Variants in ASTN2 observed in about 807,000 individuals in gnomAD.
ASTN2 encodes astrotactin-2.
ASTN2 carries 54 observed loss-of-function variants against 139.8 expected under a neutral mutation model. The ratio of observed to expected loss-of-function variants is 0.39; its 90% CI spans 0.31 to 0.48. The LOEUF is 0.48. ASTN2 is among the 20% of genes least tolerant of loss of function. ASTN2 has a pLI of 0.95. For missense variants in ASTN2, 1,565 were observed against 1,725.1 expected (o/e 0.91, Z 1.64); for synonymous variants, 756 against 719.5 (o/e 1.05, Z -0.81).
chr9:116,656,974 T>A (rs1858256028), intron 16 of ASTN2, among the ~76,000 whole-genome samples: 1 of 152,012 alleles, frequency 6.6e-6, no homozygotes, highest in South Asian at 2.1e-4. Flanking sequence ...TTAGAAACAT[T>A]AAGGGAGAGG....
At chr9:117,228,959 G>A (rs928269850) in intron 2 of ASTN2, among the ~76,000 whole-genome samples, 1 of 151,948 alleles carries the variant, frequency 6.6e-6, no homozygotes, top group African/African-American at 2.4e-5. Context: ...AGCTGAGATG[G>A]TGCCACTGCA....
intron 1 of ASTN2, among the ~76,000 whole-genome samples, chr9:117,349,807 T>C (rs766449432): frequency 6.6e-6 from 1 of 152,182 alleles, no homozygotes. Flanking sequence ...TGATATGATA[T>C]GATACAATAT....
chr9:117,378,984 C>T (rs1830196427), intron 1 of ASTN2, among the ~76,000 whole-genome samples: 3 of 152,160 alleles, frequency 2.0e-5, no homozygotes, highest in Admixed American at 2.0e-4. Flanking sequence ...CCTTTGCTCT[C>T]TCTTGCTCCT....
intron 7 of ASTN2, among the ~76,000 whole-genome samples, chr9:117,007,876 C>T (rs965514844): frequency 6.6e-6 from 1 of 152,022 alleles, no homozygotes; most frequent in African/African-American, 2.4e-5. Context: ...TCTCTGTGGT[C>T]CTTTCTTACT....
At chr9:117,005,239 C>G (rs1184299579) in intron 7 of ASTN2, among the ~76,000 whole-genome samples, 1 of 129,742 alleles carries the variant, frequency 7.7e-6, no homozygotes, top group African/African-American at 2.7e-5. Context: ...CATGTGCCAC[C>G]AAGCCCAGCT....
chr9:117,105,271 C>G (rs1829075411), intron 4 of ASTN2, among the ~76,000 whole-genome samples: 1 of 152,082 alleles, frequency 6.6e-6, no homozygotes, highest in African/African-American at 2.4e-5. Context: ...TTTTGTCTGG[C>G]TTTCTAAAAA....
chr9:116,977,122 C>T (rs995851225), intron 7 of ASTN2, among the ~76,000 whole-genome samples: 15 of 152,228 alleles, frequency 9.9e-5, no homozygotes, highest in Non-Finnish European at 1.6e-4. Context: ...AAATGGAGGT[C>T]TTCTTTTCAA....
At chr9:117,319,649 T>C (rs887440240) in intron 1 of ASTN2, among the ~76,000 whole-genome samples, 1 of 151,730 alleles carries the variant, frequency 6.6e-6, no homozygotes, top group Admixed American at 6.6e-5. Context: ...TTGGCCAGGC[T>C]GGTCTCAAAC....
intron 20 of ASTN2, among the ~76,000 whole-genome samples, chr9:116,476,098 G>C (rs987129384): frequency 6.6e-6 from 1 of 152,186 alleles, no homozygotes; most frequent in Non-Finnish European, 1.5e-5. Context: ...GCAGGGCCAT[G>C]CTTCCTCTGA....
chr9:116,727,429 C>A (rs142859965), intron 15 of ASTN2, among the ~76,000 whole-genome samples: 1 of 152,086 alleles, frequency 6.6e-6, no homozygotes, highest in Non-Finnish European at 1.5e-5. Context: ...AAGGGTTTTC[C>A]GGGAGCATCA....
intron 3 of ASTN2, among the ~76,000 whole-genome samples, chr9:117,165,045 T>C (rs1830638943): frequency 6.6e-6 from 1 of 151,972 alleles, no homozygotes; most frequent in South Asian, 2.1e-4. Context: ...TATTTGAACA[T>C]ACAGTCTGAC....
chr9:116,885,358 T>TA (rs1240463820), intron 10 of ASTN2, among the ~76,000 whole-genome samples: 2 of 151,962 alleles, frequency 1.3e-5, no homozygotes, highest in African/African-American at 4.8e-5. Context: ...TATGTATCAA[T>TA]AAAAAAAGAC....
At chr9:116,680,797 A>C (rs1474351066) in intron 16 of ASTN2, among the ~76,000 whole-genome samples, 4 of 152,248 alleles carry the variant, frequency 2.6e-5, no homozygotes, top group Non-Finnish European at 5.9e-5. Flanking sequence ...CAATAGATGC[A>C]GAAAAGGCCT....
chr9:117,149,998 G>C (rs1830291693), intron 3 of ASTN2, among the ~76,000 whole-genome samples: 1 of 152,168 alleles, frequency 6.6e-6, no homozygotes, highest in African/African-American at 2.4e-5. Context: ...CTTGGGAATA[G>C]CCTTTTCTTA....
chr9:116,642,132 C>CAAAAAAAAAAAAAAAAAAA (rs1252642911), intron 17 of ASTN2, among the ~76,000 whole-genome samples: 2 of 48,930 alleles, frequency 4.1e-5, no homozygotes, highest in African/African-American at 7.6e-5. Flanking sequence ...TCCCAACCCA[C>CAAAAAAAAAAAAAAAAAAA]AAAAAAAAAA....
chr9:116,447,476 T>C (rs529151464), intron 20 of ASTN2, among the ~76,000 whole-genome samples: 11 of 152,278 alleles, frequency 7.2e-5, no homozygotes, highest in Non-Finnish European at 1.6e-4. Context: ...TTCATTTCCC[T>C]TTCCTGGAAA....
chr9:116,884,989 G>C (rs1018171888), intron 10 of ASTN2, among the ~76,000 whole-genome samples: 1 of 151,770 alleles, frequency 6.6e-6, no homozygotes, highest in Non-Finnish European at 1.5e-5. Context: ...CTAATTTTTT[G>C]TATTTTTAGT....
intron 3 of ASTN2, among the ~76,000 whole-genome samples, chr9:117,156,973 C>G (rs1190173450): frequency 1.3e-5 from 2 of 151,966 alleles, no homozygotes; most frequent in Admixed American, 1.3e-4. Context: ...TTATTCACTC[C>G]TCCAGCACAT....
At chr9:116,553,374 C>T (rs1221747160) in intron 19 of ASTN2, among the ~76,000 whole-genome samples, 2 of 152,162 alleles carry the variant, frequency 1.3e-5, no homozygotes, top group Non-Finnish European at 2.9e-5. Context: ...AGAGTACTGG[C>T]CCAGTGGTCA....
Sources: gnomAD v4.1 joint callset for allele counts (sites outside exome capture counted in the v4.1 genomes callset) on GRCh38, gnomAD v4.1.1 for gene constraint, MANE v1.5 for transcripts, NCBI Gene and HGNC (gene_info 2026-07-23, HGNC 2026-07-21) for gene names.